ANO4: variants seen among roughly 807,000 people sequenced by gnomAD.
ANO4 encodes anoctamin 4, also known as anoctamin-4.
ANO4 carries 69 observed loss-of-function variants against 141.9 expected under a neutral mutation model. The observed-to-expected ratio is 0.49, with a 90% CI of 0.40 to 0.59. ANO4 has a LOEUF of 0.59. ANO4 is among the 20% of genes least tolerant of loss of function. The pLI, the probability that ANO4 is intolerant of heterozygous loss-of-function variation, is 0.00. For missense variants in ANO4, 894 were observed against 1,162.2 expected (o/e 0.77, Z 3.36); for synonymous variants, 350 against 394.3 (o/e 0.89, Z 1.33).
intron 21 of ANO4, among the ~76,000 whole-genome samples, chr12:101,098,471 G>T (rs2050069812): frequency 6.6e-6 from 1 of 152,122 alleles, no homozygotes; most frequent in Non-Finnish European, 1.5e-5. Flanking sequence ...CACACCTATT[G>T]GTTTCCATGT....
intron 19 of ANO4, 98 bp downstream of exon 19, chr12:101,096,745 T>C (rs2050000578): frequency 1.1e-6 from 1 of 909,424 alleles, no homozygotes; most frequent in Non-Finnish European, 1.7e-6. Flanking sequence ...TAGGGTGATT[T>C]ATACAAAGTG....
intron 9 of ANO4, among the ~76,000 whole-genome samples, chr12:101,022,290 T>C (rs896619905): frequency 3.3e-5 from 5 of 152,196 alleles, no homozygotes; most frequent in Non-Finnish European, 7.3e-5. Flanking sequence ...ATTCCTTCAA[T>C]AAAGTCCTCT....
chr12:101,016,663 G>A (rs1398102435), intron 8 of ANO4, among the ~76,000 whole-genome samples: 1 of 152,206 alleles, frequency 6.6e-6, no homozygotes, highest in Non-Finnish European at 1.5e-5. Flanking sequence ...ACAGAGATGA[G>A]CATGGCCGGT....
intron 8 of ANO4, among the ~76,000 whole-genome samples, chr12:101,000,460 A>G (rs2045588755): frequency 6.6e-6 from 1 of 152,256 alleles, no homozygotes; most frequent in South Asian, 2.1e-4. Context: ...GTTTTCATCG[A>G]TCTGAAATCT....
At chr12:100,950,702 C>T (rs560832016) in intron 5 of ANO4, among the ~76,000 whole-genome samples, 19 of 152,296 alleles carry the variant, frequency 1.2e-4, no homozygotes, top group African/African-American at 4.6e-4. Context: ...AGCTGGTCTA[C>T]TTTTCAGACA....
chr12:100,876,598 G>C (rs890637792), intron 1 of ANO4, among the ~76,000 whole-genome samples: 1 of 152,218 alleles, frequency 6.6e-6, no homozygotes, highest in Non-Finnish European at 1.5e-5. Context: ...GGGAAAGTAC[G>C]TAAGTCAAGG....
intron 19 of ANO4, 111 bp downstream of exon 19, chr12:101,096,758 A>T (rs117410946): frequency 0.031 from 24,327 of 796,934 alleles, 492 homozygotes; most frequent in South Asian, 0.045. Context: ...ACAAAGTGTA[A>T]AAAGGGAAGA....
At chr12:100,932,971 A>C (rs1318226766) in intron 3 of ANO4, among the ~76,000 whole-genome samples, 2 of 151,960 alleles carry the variant, frequency 1.3e-5, no homozygotes, top group Non-Finnish European at 2.9e-5. Flanking sequence ...TGCCTTCCCA[A>C]ATGCATGGTA....
intron 7 of ANO4, among the ~76,000 whole-genome samples, chr12:100,980,278 A>G (rs1320383235): frequency 1.3e-5 from 2 of 152,262 alleles, no homozygotes; most frequent in Non-Finnish European, 2.9e-5. Flanking sequence ...AGTCTTTGAT[A>G]TCACTGGGAT....
Position 100,953,239 on chromosome 12 carries a change from T to C in ANO4, c.456+10704T>C, listed in dbSNP as rs534952196. On this transcript the variant is annotated intron_variant, in intron 5 of 27. Coordinates refer to ENST00000392977, the MANE Select transcript of ANO4 (RefSeq NM_001286615.2). Reference sequence around the variant, plus strand: ...TGTTATGATAAATTGCTGAAAATTATGCAAAGTATATATCATGAATATGAC... The same window carrying C: ...TGTTATGATAAATTGCTGAAAATTACGCAAAGTATATATCATGAATATGAC... 3.8e-4 allele frequency among the ~76,000 whole-genome samples: 58 copies of C among 152,342 alleles called. 2 individuals are homozygous for C. In the South Asian group the frequency reaches 9.5e-3, roughly 25 times the overall value.
chr12:100,945,915 G>GA (rs142245288), intron 5 of ANO4, among the ~76,000 whole-genome samples: 4,570 of 150,400 alleles, frequency 0.03, 230 homozygotes, highest in African/African-American at 0.1. Context: ...AAATAAAACA[G>GA]AAAAAAAAAT....
intron 7 of ANO4, among the ~76,000 whole-genome samples, chr12:100,979,343 T>A (rs1022117793): frequency 1.3e-5 from 2 of 152,094 alleles, no homozygotes; most frequent in African/African-American, 4.8e-5. Flanking sequence ...ACTGGGCGCA[T>A]CCCCAGTGTG....
intron 1 of ANO4, among the ~76,000 whole-genome samples, chr12:100,860,550 C>T (rs886665139): frequency 2.0e-5 from 3 of 152,168 alleles, no homozygotes; most frequent in African/African-American, 7.2e-5. Flanking sequence ...CTACTTCCTT[C>T]TTCCTAAATT....
chr12:100,757,394 C>G (rs995245186), intron 3 of ANO4, among the ~76,000 whole-genome samples: 1 of 152,148 alleles, frequency 6.6e-6, no homozygotes, highest in Non-Finnish European at 1.5e-5. Context: ...TAGTTGTTCC[C>G]AATTGTGTTG....
intron 5 of ANO4, among the ~76,000 whole-genome samples, chr12:100,960,228 A>G (rs1214917152): frequency 1.3e-5 from 2 of 151,838 alleles, no homozygotes; most frequent in Non-Finnish European, 2.9e-5. Flanking sequence ...AATGTACTTT[A>G]TATATACATG....
intron 3 of ANO4, among the ~76,000 whole-genome samples, chr12:100,770,470 C>T (rs967085400): frequency 6.6e-6 from 1 of 152,120 alleles, no homozygotes; most frequent in Admixed American, 6.6e-5. Flanking sequence ...CATCCATAGC[C>T]TTTTTAGAAG....
chr12:100,738,802 G>A (rs2031723495), intron 2 of ANO4, among the ~76,000 whole-genome samples: 1 of 151,612 alleles, frequency 6.6e-6, no homozygotes, highest in South Asian at 2.1e-4. Flanking sequence ...TTTTTAACAT[G>A]TGTGTGGTAA....
intron 2 of ANO4, among the ~76,000 whole-genome samples, chr12:100,738,569 T>G (rs2031708879): frequency 6.6e-6 from 1 of 152,164 alleles, no homozygotes; most frequent in East Asian, 1.9e-4. Context: ...TAAGAAATGC[T>G]AAAACCTGAA....
chr12:100,919,720 GTATGTGTGTATGTATGTATCTATCTATC>G (rs1566010357), intron 2 of ANO4, among the ~76,000 whole-genome samples: 1 of 133,334 alleles, frequency 7.5e-6, no homozygotes, highest in African/African-American at 2.8e-5. Context: ...ATGTATGTAT[GTATGTGTGTATGTATGTATCTATCTATC>G]TATCTATCTA....
Sources: allele counts gnomAD v4.1 joint callset (sites outside exome capture counted in the v4.1 genomes callset), GRCh38; gene constraint gnomAD v4.1.1; transcripts MANE v1.5; gene names NCBI Gene and HGNC (gene_info 2026-07-23, HGNC 2026-07-21).